The following CSMD3 variants were observed in gnomAD, a reference collection of about 807,000 sequenced individuals.
The protein encoded by CSMD3 is CUB and sushi domain-containing protein 3.
CSMD3 carries 177 observed loss-of-function variants against 435.2 expected under a neutral mutation model. That is an observed-to-expected ratio of 0.41 (90% CI 0.36 to 0.46). The LOEUF (loss-of-function observed/expected upper bound fraction) is 0.46, where lower values mean the gene tolerates loss of function less well. CSMD3 is among the 20% of genes least tolerant of loss of function. The pLI is 0.34. For missense variants in CSMD3, 4,265 were observed against 4,504.6 expected, an observed-to-expected ratio of 0.95 and a Z score of 1.52; for synonymous variants, 1,656 against 1,520.5, an observed-to-expected ratio of 1.09 and a Z score of -2.07.
At chr8:112,343,111 T>C (rs1053023836) in intron 41 of CSMD3, among the ~76,000 whole-genome samples, 2 of 147,188 alleles carry the variant, frequency 1.4e-5, no homozygotes, top group Non-Finnish European at 3.0e-5. Context: ...TGTAATCAAG[T>C]ATCTAAATCT....
At chr8:112,910,505 C>T (rs1421285628) in intron 10 of CSMD3, among the ~76,000 whole-genome samples, 1 of 151,806 alleles carries the variant, frequency 6.6e-6, no homozygotes, top group African/African-American at 2.4e-5. Context: ...GGGTCTTTCA[C>T]CTCAAGGGAG....
At chr8:112,772,074 G>C (rs1475206119) in intron 13 of CSMD3, among the ~76,000 whole-genome samples, 1 of 151,886 alleles carries the variant, frequency 6.6e-6, no homozygotes, top group East Asian at 1.9e-4. Flanking sequence ...GAAAGATACA[G>C]AAAAAATGAC....
chr8:112,943,411 C>T (rs556092590), intron 9 of CSMD3, among the ~76,000 whole-genome samples: 3 of 151,448 alleles, frequency 2.0e-5, no homozygotes, highest in Admixed American at 6.6e-5. Context: ...GGATGGGGCA[C>T]CAGGAGAACA....
intron 9 of CSMD3, among the ~76,000 whole-genome samples, chr8:112,940,112 A>G (rs906568077): frequency 2.0e-5 from 3 of 151,952 alleles, no homozygotes; most frequent in Non-Finnish European, 1.5e-5. Context: ...ATGAGTGAAA[A>G]TGACTTTATA....
At chr8:113,099,853 C>T (rs770775605) in intron 4 of CSMD3, among the ~76,000 whole-genome samples, 1 of 152,052 alleles carries the variant, frequency 6.6e-6, no homozygotes, top group Non-Finnish European at 1.5e-5. Flanking sequence ...GCCAGTCAAG[C>T]TAATAAGTTA....
At chr8:112,328,889 T>C (rs1371730923) in intron 45 of CSMD3, among the ~76,000 whole-genome samples, 2 of 152,154 alleles carry the variant, frequency 1.3e-5, no homozygotes, top group Non-Finnish European at 2.9e-5. Context: ...TCAATTAAAC[T>C]TCTTTCCTTT....
intron 31 of CSMD3, among the ~76,000 whole-genome samples, chr8:112,491,566 C>G (rs1178513748): frequency 6.6e-6 from 1 of 152,098 alleles, no homozygotes; most frequent in Non-Finnish European, 1.5e-5. Context: ...AGGAGAATCA[C>G]TTGATTGCGG....
intron 13 of CSMD3, among the ~76,000 whole-genome samples, chr8:112,704,226 C>T (rs1282018528): frequency 6.6e-6 from 1 of 151,908 alleles, no homozygotes; most frequent in African/African-American, 2.4e-5. Flanking sequence ...ATGATCCCCC[C>T]ACCTCAACTG....
At chr8:112,360,987 A>C (rs1042861672) in intron 38 of CSMD3, among the ~76,000 whole-genome samples, 2 of 151,996 alleles carry the variant, frequency 1.3e-5, no homozygotes, top group Non-Finnish European at 2.9e-5. Flanking sequence ...CCAAGTGGTT[A>C]AATATTAACT....
intron 20 of CSMD3, chr8:112,643,457 T>C (rs1450542767): frequency 5.9e-6 from 1 of 170,268 alleles, no homozygotes; most frequent in African/African-American, 2.4e-5. Flanking sequence ...ACAAACTTAG[T>C]TGGCTCTTAA....
At chr8:112,966,733 T>C (rs993942990) in intron 7 of CSMD3, among the ~76,000 whole-genome samples, 3 of 151,894 alleles carry the variant, frequency 2.0e-5, no homozygotes, top group Non-Finnish European at 2.9e-5. Flanking sequence ...TCATAATGAA[T>C]GTCAATAGCT....
chr8:113,089,110 G>C (rs1193272740), intron 5 of CSMD3, among the ~76,000 whole-genome samples: 1 of 152,022 alleles, frequency 6.6e-6, no homozygotes, highest in Non-Finnish European at 1.5e-5. Context: ...GTGAACCATG[G>C]ACTAAAGCAA....
chr8:113,240,049 A>G (rs1563590222), intron 3 of CSMD3, among the ~76,000 whole-genome samples: 2 of 151,650 alleles, frequency 1.3e-5, no homozygotes, highest in African/African-American at 4.8e-5. Flanking sequence ...GTTCCCCTCT[A>G]TGTGTCCATG....
intron 5 of CSMD3, among the ~76,000 whole-genome samples, chr8:113,052,919 C>T (rs1391893623): frequency 1.3e-5 from 2 of 152,132 alleles, no homozygotes; most frequent in Non-Finnish European, 2.9e-5. Flanking sequence ...CATTCTCCTC[C>T]TTATAAGTTT....
intron 28 of CSMD3, among the ~76,000 whole-genome samples, chr8:112,516,050 T>C (rs1586573415): frequency 1.3e-5 from 2 of 152,210 alleles, no homozygotes; most frequent in South Asian, 4.1e-4. Flanking sequence ...GTTTGTTCAC[T>C]TCTAACTGAA....
chr8:113,045,996 C>T (rs1010647181), intron 5 of CSMD3, among the ~76,000 whole-genome samples: 1 of 149,406 alleles, frequency 6.7e-6, no homozygotes, highest in African/African-American at 2.4e-5. Context: ...CTTTAAATGA[C>T]TGAATCGATT....
chr8:112,467,191 G>A (rs1041451501), intron 32 of CSMD3, among the ~76,000 whole-genome samples: 1 of 152,198 alleles, frequency 6.6e-6, no homozygotes, highest in African/African-American at 2.4e-5. Context: ...ATGCAACCAA[G>A]AGACTGTGCC....
chr8:113,019,807 A>C (rs1016236366), intron 5 of CSMD3, among the ~76,000 whole-genome samples: 34 of 152,104 alleles, frequency 2.2e-4, no homozygotes, highest in African/African-American at 8.2e-4. Context: ...ATTTTCATAG[A>C]ACAAGCATTG....
intron 5 of CSMD3, among the ~76,000 whole-genome samples, chr8:113,085,954 C>A (rs1294045649): frequency 6.6e-6 from 1 of 152,064 alleles, no homozygotes; most frequent in African/African-American, 2.4e-5. Flanking sequence ...AAAGAGCCAA[C>A]CGGCTGGGTG....
Sources: gnomAD v4.1 joint callset for allele counts (sites outside exome capture counted in the v4.1 genomes callset) on GRCh38, gnomAD v4.1.1 for gene constraint, MANE v1.5 for transcripts, NCBI Gene and HGNC (gene_info 2026-07-23, HGNC 2026-07-21) for gene names.